Variants in RNF11 observed in about 807,000 individuals in gnomAD.
The protein encoded by RNF11 is ring finger protein 11.
A neutral mutation model predicts 15.8 loss-of-function variants in RNF11; 4 were observed. That is an observed-to-expected ratio of 0.25 (90% CI 0.12 to 0.58). The LOEUF (loss-of-function observed/expected upper bound fraction) is 0.58. RNF11 is among the 20% of genes least tolerant of loss of function. The pLI is 0.91. For synonymous variants in RNF11, 68 were observed against 72.3 expected (o/e 0.94, Z 0.30); for missense variants, 139 against 194.4 (o/e 0.71, Z 1.70).
chr1:51,266,080 G>C (rs778563676), intron 1 of RNF11: 5 of 152,156 alleles, frequency 3.3e-5, no homozygotes, highest in Non-Finnish European at 5.9e-5. Context: ...AATGCTCAGA[G>C]ATATTAAGAA....
At chr1:51,259,224 G>A (rs1276604092) in intron 1 of RNF11, among the ~76,000 whole-genome samples, 2 of 152,176 alleles carry the variant, frequency 1.3e-5, no homozygotes, top group African/African-American at 4.8e-5. Flanking sequence ...AACACCCTGT[G>A]ATGTACAGGA....
chr1:51,256,119 C>A (rs79270007), intron 1 of RNF11, among the ~76,000 whole-genome samples: 2,348 of 152,164 alleles, frequency 0.015, 61 homozygotes, highest in African/African-American at 0.054. Context: ...AGAGTTCATT[C>A]TTGGTGTTGT....
At chr1:51,238,158 T>A (rs1463593305) in intron 1 of RNF11, among the ~76,000 whole-genome samples, 1 of 152,162 alleles carries the variant, frequency 6.6e-6, no homozygotes, top group Non-Finnish European at 1.5e-5. Flanking sequence ...TTGGAGCCCT[T>A]CGCCCGGGTC....
chr1:51,248,056 C>T (rs12401806), intron 1 of RNF11, among the ~76,000 whole-genome samples: 3,873 of 149,022 alleles, frequency 0.026, 107 homozygotes, highest in Admixed American at 0.1. Context: ...GTAGCGAGGC[C>T]TTAAGGGTAA....
chr1:51,236,702 A>G lies in RNF11; in HGVS notation c.-55A>G. The G allele has an allele frequency of 6.2e-7, 1 of 1,602,366 alleles. No homozygotes were observed. The highest frequency in any genetic ancestry group is 8.5e-7 in the Non-Finnish European group (1 of 1,174,642). On this transcript the variant is annotated 5_prime_UTR_variant, in exon 1 of 3. Coordinates refer to ENST00000242719, the MANE Select transcript of RNF11 (RefSeq NM_014372.5). ...ACCGAGGCGGACCGCGGAGTGTGCG[A>G]ACGACCCCACCGCTGCTTTCTCCTC...
At chr1:51,246,358 T>C (rs1371485615) in intron 1 of RNF11, among the ~76,000 whole-genome samples, 1 of 152,114 alleles carries the variant, frequency 6.6e-6, no homozygotes, top group Non-Finnish European at 1.5e-5. Flanking sequence ...AAGGATTGCT[T>C]GAGCCCAGGA....
intron 1 of RNF11, among the ~76,000 whole-genome samples, chr1:51,237,202 T>G (rs1569645678): frequency 6.6e-6 from 1 of 152,038 alleles, no homozygotes; most frequent in South Asian, 2.1e-4. Context: ...GTCTGAATCG[T>G]ATGATTTCCT....
At chr1:51,253,916 T>A (rs377367696) in intron 1 of RNF11, among the ~76,000 whole-genome samples, 18 of 152,020 alleles carry the variant, frequency 1.2e-4, no homozygotes, top group African/African-American at 3.9e-4. Context: ...GGAGGATTGC[T>A]TGAGCCTAGA....
Position 51,236,658 on chromosome 1 carries a change from G to C in RNF11, c.-99G>C. The C allele has an allele frequency of 6.5e-7, 1 of 1,533,022 alleles. No homozygotes were observed. The highest frequency in any genetic ancestry group is 8.9e-7 in the Non-Finnish European group (1 of 1,123,264). The allele number at this position is 1,533,022 out of a possible 1,614,324, so 95.0% of individuals were successfully genotyped here. A position where few individuals can be genotyped will look rare whatever the true frequency, so the allele number is the denominator to read the frequency against. On this transcript the variant is annotated 5_prime_UTR_variant, in exon 1 of 3. Transcript: ENST00000242719. Reference sequence around the variant, plus strand: ...GCCTCCGCCTGATCCCCGGCCTGTCGCCCGACCCCACCTCGCCAACCGAGG... The same window carrying C: ...GCCTCCGCCTGATCCCCGGCCTGTCCCCCGACCCCACCTCGCCAACCGAGG...
rs1351123991 is a variant in RNF11 at position 51,272,216 on chromosome 1, G to A, written c.*894G>A. ...ACCACGTTTATGTAAAAATGAAGGT[G>A]GCACCGTGGTGAGACCTAATGAGAA... On this transcript the variant is annotated 3_prime_UTR_variant, in exon 3 of 3. Transcript: ENST00000242719. 2.0e-5 allele frequency: 3 copies of A among 152,558 alleles called. No homozygotes were observed. Among genetic ancestry groups the A allele is most frequent in the African/African-American group, 7.2e-5 (3 of 41,436 alleles). The allele number at this position is 152,558 out of a possible 1,614,324, so 9.5% of individuals were successfully genotyped here. A position where few individuals can be genotyped will look rare whatever the true frequency, so the allele number is the denominator to read the frequency against.
At chr1:51,269,855 C>G in intron 1 of RNF11, 101 bp from the exon 2 acceptor site, 1 of 938,346 alleles carries the variant, frequency 1.1e-6, no homozygotes, top group Non-Finnish European at 1.6e-6. Context: ...CAGCTTCCTA[C>G]CCCTCCCAGG....
intron 1 of RNF11, among the ~76,000 whole-genome samples, chr1:51,242,325 CTTT>C (rs57821900): frequency 2.3e-5 from 3 of 131,128 alleles, no homozygotes; most frequent in African/African-American, 8.6e-5. Flanking sequence ...TTCAAGATAC[CTTT>C]TTTTTTTTTT....
At position 51,270,214 on chromosome 1, in the gene RNF11, A is replaced by G. The variant is rs1646971904; in HGVS notation, c.293+89A>G. 7.4e-6 allele frequency: 7 copies of G among 943,794 alleles called. No homozygotes were observed. In the Admixed American group the frequency reaches 1.4e-4, roughly 19 times the overall value. The allele number at this position is 943,794 out of a possible 1,614,324, so 58.5% of individuals were successfully genotyped here. On this transcript the variant is annotated intron_variant, in intron 2 of 2. Transcript: ENST00000242719. The stretch of plus-strand genomic sequence containing the variant: ...CTTTTCTCCTGCACTTTAGAAAGTC[A>G]GACATTTAATATATTGAAACACTTC...
At chr1:51,248,359 A>G (rs1235479753) in intron 1 of RNF11, among the ~76,000 whole-genome samples, 1 of 151,754 alleles carries the variant, frequency 6.6e-6, no homozygotes, top group Non-Finnish European at 1.5e-5. Context: ...AGGCGGCGCC[A>G]CCATGCCTGG....
chr1:51,245,909 A>G (rs555167507), intron 1 of RNF11, among the ~76,000 whole-genome samples: 155 of 152,342 alleles, frequency 1.0e-3, no homozygotes, highest in African/African-American at 3.5e-3. Context: ...TGTATCTGCA[A>G]TCAACCTCTT....
chr1:51,248,034 T>A (rs1646859942), intron 1 of RNF11, among the ~76,000 whole-genome samples: 1 of 151,980 alleles, frequency 6.6e-6, no homozygotes, highest in South Asian at 2.1e-4. Flanking sequence ...AGAAGCAGTT[T>A]ACCATAATTG....
chr1:51,250,549 A>ATT, intron 1 of RNF11: 110 of 455,306 alleles, frequency 2.4e-4, no homozygotes, highest in Middle Eastern at 6.3e-4. Flanking sequence ...ATTTGTGACA[A>ATT]TTTTTTTTTT....
Position 51,251,032 on chromosome 1 carries a change from C to T in RNF11, c.123+14153C>T, listed in dbSNP as rs187844525. On this transcript the variant is annotated intron_variant, in intron 1 of 2. Transcript: ENST00000242719. The stretch of plus-strand genomic sequence containing the variant: ...GCCAGGATGATGGCCCCATGGATGG[C>T]GGTGGCCACCTCCTTGGAGCACTTA... 1,731 of 1,496,482 alleles carry T rather than the reference C, an allele frequency of 1.2e-3. 12 individuals carry two copies. The African/African-American group carries it at 0.019, about 17-fold the overall frequency. 92.7% of individuals were successfully genotyped at this position (1,496,482 alleles called of 1,614,324 possible).
At chr1:51,255,341 G>A (rs963088914) in intron 1 of RNF11, among the ~76,000 whole-genome samples, 7 of 152,148 alleles carry the variant, frequency 4.6e-5, no homozygotes, top group Non-Finnish European at 8.8e-5. Flanking sequence ...GCTCATTGCA[G>A]CCTCAAACTC....
Sources: gnomAD v4.1 joint callset for allele counts (sites outside exome capture counted in the v4.1 genomes callset) on GRCh38, gnomAD v4.1.1 for gene constraint, MANE v1.5 for transcripts, NCBI Gene and HGNC (gene_info 2026-07-23, HGNC 2026-07-21) for gene names.